Variants in YEATS2 observed in about 807,000 individuals in gnomAD.
YEATS2 encodes YEATS domain-containing protein 2.
A neutral mutation model predicts 163.2 loss-of-function variants in YEATS2; 77 were observed. The observed-to-expected ratio is 0.47, with a 90% CI of 0.39 to 0.57. The LOEUF is 0.57. Ranked by LOEUF, YEATS2 falls within the 20% of genes least tolerant of loss-of-function variation. The probability of loss-of-function intolerance (pLI) is 0.00; values close to 1 mark genes in which losing one functional copy is unlikely to be tolerated. For missense variants in YEATS2, 1,549 were observed against 1,729.8 expected (o/e 0.90, Z 1.85); for synonymous variants, 631 against 645.1 (o/e 0.98, Z 0.33).
intron 10 of YEATS2, among the ~76,000 whole-genome samples, chr3:183,752,530 A>G (rs1720281005): frequency 6.6e-6 from 1 of 151,760 alleles, no homozygotes; most frequent in East Asian, 2.0e-4. Context: ...TAACACGGTG[A>G]AACCCCGTCT....
At chr3:183,701,071 G>A (rs185900435) in intron 1 of YEATS2, among the ~76,000 whole-genome samples, 2,267 of 146,718 alleles carry the variant, frequency 0.015, 39 homozygotes, top group East Asian at 0.087. Context: ...GTGTGTGTGT[G>A]TATATATATA....
chr3:183,754,477 T>C, intron 11 of YEATS2, 112 bp downstream of exon 11: 3 of 1,389,134 alleles, frequency 2.2e-6, no homozygotes, highest in Non-Finnish European at 2.8e-6. Flanking sequence ...CTAAGCAGTG[T>C]TATGTTTAAC....
chr3:183,800,159 T>G (rs1480419790), intron 23 of YEATS2, among the ~76,000 whole-genome samples: 1 of 151,920 alleles, frequency 6.6e-6, no homozygotes, highest in Non-Finnish European at 1.5e-5. Flanking sequence ...ATCACATGTG[T>G]GGGGAGGGGA....
chr3:183,801,574 GAACTT>G, intron 25 of YEATS2, 46 bp downstream of exon 25: 1 of 1,449,368 alleles, frequency 6.9e-7, no homozygotes, highest in South Asian at 1.2e-5. Flanking sequence ...TGAAAGCTGT[GAACTT>G]AAGGTATTGA....
chr3:183,705,568 ACTGT>A (rs1347021391), intron 1 of YEATS2, among the ~76,000 whole-genome samples: 6 of 151,988 alleles, frequency 3.9e-5, no homozygotes, highest in African/African-American at 1.4e-4. Flanking sequence ...TGCCTTGCTT[ACTGT>A]CTTTTTGTTT....
Position 183,786,252 on chromosome 3 carries a change from C to G in YEATS2, c.2864C>G (p.Thr955Ser), listed in dbSNP as rs746923939. 2 of 1,614,124 alleles carry G rather than the reference C, an allele frequency of 1.2e-6. No homozygotes were observed. Among genetic ancestry groups the G allele is most frequent in the Admixed American group, 3.3e-5 (2 of 60,018 alleles). Residue 955 changes from threonine (T) to serine (S), a missense_variant, in exon 20 of 31, where the codon ACT (threonine) becomes AGT (serine). By Grantham distance (58) the Thr-to-Ser change is moderately conservative. Transcript: ENST00000305135. The part of the protein sequence containing the change: ...MLRVAGGVIT[T>S]ATSPAVALSA... ...AGAGTAGCAGGAGGGGTTATCACAA[C>G]TGCCACTTCCCCTGCCGTGGCCCTC...
rs869091775 is a variant in YEATS2 at position 183,730,052 on chromosome 3, G to GTTTTTT, written c.812+1231_812+1236dup. Among the ~76,000 whole-genome samples the GTTTTTT allele has an allele frequency of 2.1e-3, 89 of 41,722 alleles. 6 individuals are homozygous for GTTTTTT. Among genetic ancestry groups the GTTTTTT allele is most frequent in the Admixed American group, 2.6e-3 (6 of 2,340 alleles). 27.4% of individuals were successfully genotyped at this position (41,722 alleles called of 152,430 possible). A position where few individuals can be genotyped will look rare whatever the true frequency, so the allele number is the denominator to read the frequency against. On this transcript the variant is annotated intron_variant, in intron 7 of 30. Coordinates refer to ENST00000305135, the MANE Select transcript of YEATS2 (RefSeq NM_018023.5). The stretch of plus-strand genomic sequence containing the variant: ...ATATTAATTGTGTGGTTTTTTGTTT[G>GTTTTTT]TTTTTTTTTTTTTTTTTTTTTTTTT...
chr3:183,759,902 C>T (rs1307335921), intron 13 of YEATS2, among the ~76,000 whole-genome samples: 1 of 152,186 alleles, frequency 6.6e-6, no homozygotes, highest in Non-Finnish European at 1.5e-5. Flanking sequence ...ATGTGTTAAC[C>T]GTTTAGCTAT....
chr3:183,724,698 G>C (rs1716883652), intron 6 of YEATS2, among the ~76,000 whole-genome samples, 167 bp downstream of exon 6: 1 of 152,156 alleles, frequency 6.6e-6, no homozygotes, highest in African/African-American at 2.4e-5. Context: ...GGGTAATTTT[G>C]CTCCTTAGTG....
chr3:183,807,903 C>T, intron 28 of YEATS2, 127 bp from the exon 29 acceptor site: 1 of 656,208 alleles, frequency 1.5e-6, no homozygotes, highest in South Asian at 2.1e-5. Context: ...TGAATTTTGC[C>T]CAATATGTTT....
intron 21 of YEATS2, among the ~76,000 whole-genome samples, chr3:183,793,797 G>C (rs910643241): frequency 5.9e-5 from 9 of 151,966 alleles, no homozygotes; most frequent in Non-Finnish European, 1.3e-4. Flanking sequence ...ATTTTTAGTA[G>C]AGATGGGGTT....
At chr3:183,801,551 A>C (rs923308018) in intron 25 of YEATS2, 23 bp downstream of exon 25, 9 of 1,564,014 alleles carry the variant, frequency 5.8e-6, no homozygotes, top group Non-Finnish European at 7.8e-6. Context: ...CACTGAATAT[A>C]GGGGTGCATT....
chr3:183,728,486 C>T (rs998495780), intron 6 of YEATS2, among the ~76,000 whole-genome samples: 21 of 152,332 alleles, frequency 1.4e-4, no homozygotes, highest in African/African-American at 4.8e-4. Flanking sequence ...GAGCCAGCCA[C>T]TGCATCCAGC....
intron 21 of YEATS2, chr3:183,793,361 C>T (rs1472566840): frequency 7.3e-6 from 8 of 1,092,428 alleles, no homozygotes; most frequent in Admixed American, 8.6e-5. Context: ...TTGATTTCTA[C>T]CTCCCTGTTA....
intron 20 of YEATS2, among the ~76,000 whole-genome samples, chr3:183,787,163 C>T (rs573959722): frequency 2.8e-4 from 42 of 152,244 alleles, no homozygotes; most frequent in African/African-American, 9.4e-4. Context: ...CCATGTTGGC[C>T]AGAATGGTCT....
At position 183,752,063 on chromosome 3, in the gene YEATS2, A is replaced by G. The variant is rs1350458211; in HGVS notation, c.970-10A>G. ...GGACTCATGAGCCTGATTGTTGCCC[A>G]ATTGTCTAGGTAGTGGATGTTGAAC... is the stretch of plus-strand genomic sequence containing the variant. On this transcript the variant is annotated splice_polypyrimidine_tract_variant and intron_variant, in intron 9 of 30. Transcript: ENST00000305135. 12 of 1,613,528 alleles carry G rather than the reference A, an allele frequency of 7.4e-6. No homozygotes were observed. Among genetic ancestry groups the G allele is most frequent in the Non-Finnish European group, 1.0e-5 (12 of 1,179,782 alleles).
intron 15 of YEATS2, among the ~76,000 whole-genome samples, chr3:183,767,047 T>C (rs1721975917): frequency 6.6e-6 from 1 of 152,224 alleles, no homozygotes; most frequent in South Asian, 2.1e-4. Flanking sequence ...TCTTACACCT[T>C]CTTAGTGGTG....
At chr3:183,748,005 T>C (rs969795916) in intron 9 of YEATS2, among the ~76,000 whole-genome samples, 2 of 152,024 alleles carry the variant, frequency 1.3e-5, no homozygotes, top group Non-Finnish European at 2.9e-5. Context: ...ACCTGGCCGA[T>C]CTTCATTTTT....
chr3:183,737,097 T>C (rs75628823), intron 8 of YEATS2, among the ~76,000 whole-genome samples: 4,223 of 152,266 alleles, frequency 0.028, 188 homozygotes, highest in African/African-American at 0.095. Context: ...AGAACTGTTA[T>C]TAAGAAAATT....
Sources: gnomAD v4.1 joint callset for allele counts (sites outside exome capture counted in the v4.1 genomes callset) on GRCh38, gnomAD v4.1.1 for gene constraint, MANE v1.5 for transcripts, NCBI Gene and HGNC (gene_info 2026-07-23, HGNC 2026-07-21) for gene names.